Variants in KLK15 observed in about 807,000 individuals in gnomAD.
KLK15 encodes kallikrein-15.
KLK15 carries 19 observed loss-of-function variants against 21.1 expected under a neutral mutation model. The observed-to-expected ratio is 0.90, with a 90% confidence interval of 0.63 to 1.32. The LOEUF (loss-of-function observed/expected upper bound fraction) is 1.32, where lower values mean the gene tolerates loss of function less well. Among genes scored for constraint, KLK15 ranks in the 40% most tolerant of loss-of-function variants. The pLI is 0.00. For synonymous variants in KLK15, 141 were observed against 141.5 expected (o/e 1.00, Z 0.03); for missense variants, 345 against 348.6 (o/e 0.99, Z 0.08).
At position 50,826,760 on chromosome 19, in the gene KLK15, G is replaced by A. The variant is rs1314786886; in HGVS notation, c.482-3C>T. The A allele has an allele frequency of 5.0e-6, 8 of 1,609,050 alleles. No homozygotes were observed. Among genetic ancestry groups the A allele is most frequent in the Non-Finnish European group, 5.9e-6 (7 of 1,177,898 alleles). On this transcript the variant is annotated splice_polypyrimidine_tract_variant and splice_region_variant and intron_variant, in intron 3 of 4. Transcript: ENST00000598239. ...ATGCAACGTATCTGGGAGACTCACT[G>A]GGGAAGACAGTGGACTTGGAGCAGA...
downstream of KLK15, chr19:50,825,600 C>T (rs1161963710): frequency 1.2e-5 from 6 of 495,168 alleles, no homozygotes; most frequent in Admixed American, 7.4e-5. Flanking sequence ...CTTGGATCAG[C>T]GCTTTGTTAT....
intron 2 of KLK15, among the ~76,000 whole-genome samples, 182 bp from the exon 4 acceptor site, chr19:50,827,343 C>T (rs1351330939): frequency 6.6e-6 from 1 of 151,736 alleles, no homozygotes; most frequent in East Asian, 1.9e-4. Flanking sequence ...CCTCAAGGAC[C>T]AACGAGTCTG....
At chr19:50,827,429 A>T (rs930143558) in intron 2 of KLK15, among the ~76,000 whole-genome samples, 7 of 151,650 alleles carry the variant, frequency 4.6e-5, no homozygotes, top group Admixed American at 1.3e-4. Context: ...CGAATCCAGG[A>T]TTCTCACATC....
At chr19:50,830,466 G>A (rs1599956934) in intron 1 of KLK15, 1 of 152,094 alleles carries the variant, frequency 6.6e-6, no homozygotes, top group Non-Finnish European at 1.5e-5. Context: ...AGGGCGGAGG[G>A]TACGGGCTGA....
intron 1 of KLK15, chr19:50,831,200 G>A (rs1356035262): frequency 1.6e-5 from 6 of 368,096 alleles, no homozygotes; most frequent in Non-Finnish European, 2.9e-5. Context: ...CTCAGCTCAG[G>A]TTTGTGTAAC....
intron 4 of KLK15, 180 bp from the exon 6 acceptor site, chr19:50,826,128 C>CCCCAAT (rs1259483118): frequency 6.7e-6 from 4 of 599,572 alleles, no homozygotes; most frequent in Non-Finnish European, 1.2e-5. Context: ...CCAACCCCAA[C>CCCCAAT]CCCAATTCAA....
chr19:50,826,552 A>ACCCCATCCGGACTCCCACACCTGT, intron 4 of KLK15, 69 bp downstream of exon 5: 1 of 1,495,948 alleles, frequency 6.7e-7, no homozygotes, highest in Non-Finnish European at 8.9e-7. Context: ...AGAAAATCCA[A>ACCCCATCCGGACTCCCACACCTGT]CCCCATCCGG....
At chr19:50,825,689 G>T, downstream of KLK15, 2 of 1,169,050 alleles carry the variant, frequency 1.7e-6, no homozygotes, top group African/African-American at 1.5e-5. Context: ...CTGGGCCTTG[G>T]ACAGGGTCTT....
chr19:50,827,108 T>G, exon 3 of KLK15: 1 of 1,604,312 alleles, frequency 6.2e-7, no homozygotes, highest in Non-Finnish European at 8.5e-7. Context: ...CCGTAGTTGC[T>G]CTGGGCCATC....
intron 1 of KLK15, among the ~76,000 whole-genome samples, chr19:50,830,747 T>C (rs2089971158): frequency 6.6e-6 from 1 of 152,180 alleles, no homozygotes; most frequent in African/African-American, 2.4e-5. Context: ...CAATCTGGAG[T>C]TTGCCTGACA....
upstream of KLK15, among the ~76,000 whole-genome samples, chr19:50,832,143 C>T (rs1599960316): frequency 6.6e-6 from 1 of 150,748 alleles, no homozygotes; most frequent in South Asian, 2.1e-4. Context: ...CTTATCTGGC[C>T]TTTTGGGTCC....
At chr19:50,825,920 C>T (rs1249273989) in exon 5 of KLK15, 1 of 1,613,790 alleles carries the variant, frequency 6.2e-7, no homozygotes. Context: ...CAGGATGCCC[C>T]CACAGACCAG....
exon 4 of KLK15, chr19:50,826,655 G>A: frequency 6.2e-7 from 1 of 1,611,898 alleles, no homozygotes; most frequent in Non-Finnish European, 8.5e-7. Flanking sequence ...CTCCGCGCCT[G>A]CACACACCAT....
intron 1 of KLK15, among the ~76,000 whole-genome samples, chr19:50,830,780 G>T (rs1006335477): frequency 2.0e-5 from 3 of 152,216 alleles, no homozygotes; most frequent in Non-Finnish European, 4.4e-5. Flanking sequence ...TTGATGTTGT[G>T]GCCGTCCCTC....
chr19:50,825,419 C>T (rs1448421917), downstream of KLK15: 1 of 164,926 alleles, frequency 6.1e-6, no homozygotes, highest in African/African-American at 2.4e-5. Flanking sequence ...GAGATTGGGC[C>T]TCTTGTTCAA....
At chr19:50,829,247 G>A (rs2089940968) in intron 1 of KLK15, among the ~76,000 whole-genome samples, 1 of 151,616 alleles carries the variant, frequency 6.6e-6, no homozygotes, top group South Asian at 2.1e-4. Context: ...TATTCGACCT[G>A]TCTGTGCCTC....
intron 1 of KLK15, among the ~76,000 whole-genome samples, chr19:50,829,804 G>A (rs1465729177): frequency 1.3e-5 from 2 of 151,602 alleles, no homozygotes; most frequent in African/African-American, 4.8e-5. Flanking sequence ...GCGGCAGAGC[G>A]AGACTCCGTC....
At chr19:50,825,700 G>C, downstream of KLK15, 1 of 1,299,270 alleles carries the variant, frequency 7.7e-7, no homozygotes, top group Non-Finnish European at 1.1e-6. Flanking sequence ...ACAGGGTCTT[G>C]GGGGATGGCT....
chr19:50,831,923 C>T (rs1255081199), upstream of KLK15, among the ~76,000 whole-genome samples: 3 of 152,020 alleles, frequency 2.0e-5, no homozygotes, highest in Non-Finnish European at 4.4e-5. Flanking sequence ...ACCATTCTCC[C>T]GCCTCAGCCT....
Sources: gnomAD v4.1 joint callset for allele counts (sites outside exome capture counted in the v4.1 genomes callset) on GRCh38, gnomAD v4.1.1 for gene constraint, MANE v1.5 for transcripts, NCBI Gene and HGNC (gene_info 2026-07-23, HGNC 2026-07-21) for gene names.